Variants in LRRC4C observed in about 807,000 individuals in gnomAD.
LRRC4C encodes the protein leucine rich repeat containing 4C.
LRRC4C carries 5 observed loss-of-function variants against 33.6 expected under a neutral mutation model. The observed-to-expected ratio is 0.15, with a 90% CI of 0.08 to 0.31. LRRC4C has a LOEUF of 0.31. LRRC4C is among the 10% of genes least tolerant of loss of function. The pLI is 1.00. For missense variants in LRRC4C, 560 were observed against 796.7 expected, an observed-to-expected ratio of 0.70 and a Z score of 3.58; for synonymous variants, 329 against 302.0, an observed-to-expected ratio of 1.09 and a Z score of -0.93.
At chr11:40,801,746 AC>A (rs998903800) in intron 2 of LRRC4C, among the ~76,000 whole-genome samples, 1 of 152,176 alleles carries the variant, frequency 6.6e-6, no homozygotes, top group Non-Finnish European at 1.5e-5. Context: ...ACAGTTGAGT[AC>A]CAGAAATTTT....
rs1938664029 is a variant in LRRC4C at position 41,071,328 on chromosome 11, G to C, written c.-495-137605C>G. 3.3e-5 allele frequency among the ~76,000 whole-genome samples: 5 copies of C among 152,166 alleles called. No homozygotes were observed. In the South Asian group the frequency reaches 1.0e-3, roughly 32 times the overall value. On this transcript the variant is annotated intron_variant, in intron 1 of 6. Transcript: ENST00000528697. ...GAGCTTAAAATCTAGATGACAGGTT[G>C]ATAGGTGCAGCAAACCACCATGGCC...
At chr11:40,810,465 G>C (rs918981623) in intron 2 of LRRC4C, among the ~76,000 whole-genome samples, 4 of 152,136 alleles carry the variant, frequency 2.6e-5, no homozygotes, top group African/African-American at 9.7e-5. Context: ...AATAACATCT[G>C]TAAGCTAATA....
At chr11:40,541,401 C>A (rs2135387010) in intron 3 of LRRC4C, among the ~76,000 whole-genome samples, 1 of 152,246 alleles carries the variant, frequency 6.6e-6, no homozygotes, top group South Asian at 2.1e-4. Context: ...GCCACCACTC[C>A]TGGCTGTTTT....
chr11:41,313,003 G>C (rs1322602009), intron 1 of LRRC4C, among the ~76,000 whole-genome samples: 1 of 152,164 alleles, frequency 6.6e-6, no homozygotes, highest in African/African-American at 2.4e-5. Flanking sequence ...GGTAATAAAG[G>C]CAGTAATTAA....
chr11:40,915,816 C>T (rs1248824013), intron 2 of LRRC4C, among the ~76,000 whole-genome samples: 2 of 150,442 alleles, frequency 1.3e-5, no homozygotes, highest in Non-Finnish European at 3.0e-5. Context: ...GGGCTAATAT[C>T]CAGAATCTAC....
At chr11:41,395,228 A>G (rs939903994) in intron 1 of LRRC4C, among the ~76,000 whole-genome samples, 1 of 151,990 alleles carries the variant, frequency 6.6e-6, no homozygotes, top group Non-Finnish European at 1.5e-5. Flanking sequence ...AGCACATGTG[A>G]ACACCTCTTG....
In LRRC4C at chr11:40,561,408, C is replaced by CTTTTTTTTTTTTTTTTTTTTT. The variant is rs549919738; in HGVS notation, c.-270+86713_-270+86733dup. 4.0e-5 allele frequency among the ~76,000 whole-genome samples: 4 copies of CTTTTTTTTTTTTTTTTTTTTT among 100,936 alleles called. 1 individual carries two copies. The highest frequency in any genetic ancestry group is 8.0e-5 in the African/African-American group (2 of 25,078). The allele number at this position is 100,936 out of a possible 152,430, so 66.2% of individuals were successfully genotyped here. On this transcript the variant is annotated intron_variant, in intron 3 of 6. Transcript: ENST00000528697. ...TCTTTATTCTTTGTTCTGAGGATTC[C>CTTTTTTTTTTTTTTTTTTTTT]TTTTTTTTTTTTTTTTTTTTTTGAG...
intron 3 of LRRC4C, among the ~76,000 whole-genome samples, chr11:40,630,610 T>A (rs2136015045): frequency 6.6e-6 from 1 of 152,256 alleles, no homozygotes; most frequent in East Asian, 1.9e-4. Flanking sequence ...TTATCTGAGT[T>A]TATACAACTC....
chr11:40,311,984 T>C (rs1321554113), intron 4 of LRRC4C, among the ~76,000 whole-genome samples: 1 of 151,460 alleles, frequency 6.6e-6, no homozygotes, highest in Non-Finnish European at 1.5e-5. Context: ...CCCTTTCATG[T>C]ACATTACAGT....
intron 1 of LRRC4C, among the ~76,000 whole-genome samples, chr11:41,068,403 A>C (rs114911540): frequency 0.02 from 3,094 of 151,978 alleles, 108 homozygotes; most frequent in African/African-American, 0.071. Context: ...CCCCCCAACA[A>C]AAAAAAATAA....
At chr11:40,118,715 G>C (rs980307270) in intron 6 of LRRC4C, among the ~76,000 whole-genome samples, 3 of 152,100 alleles carry the variant, frequency 2.0e-5, no homozygotes, top group South Asian at 2.1e-4. Context: ...AGAATGGAAG[G>C]CCTGAGGACG....
chr11:40,144,506 CT>C (rs1323347647), intron 5 of LRRC4C, among the ~76,000 whole-genome samples: 2 of 152,112 alleles, frequency 1.3e-5, no homozygotes, highest in Non-Finnish European at 2.9e-5. Flanking sequence ...CCTCCTTGAT[CT>C]TTTACATAGC....
At chr11:41,164,485 T>G (rs771910532) in intron 1 of LRRC4C, among the ~76,000 whole-genome samples, 5 of 152,224 alleles carry the variant, frequency 3.3e-5, no homozygotes, top group African/African-American at 4.8e-5. Flanking sequence ...AATAGAATAG[T>G]AAACATATAA....
At chr11:40,824,197 T>A (rs1296486087) in intron 2 of LRRC4C, among the ~76,000 whole-genome samples, 1 of 151,876 alleles carries the variant, frequency 6.6e-6, no homozygotes, top group Non-Finnish European at 1.5e-5. Flanking sequence ...GATTGAAATA[T>A]CTTAAAACCA....
At chr11:40,417,592 T>C (rs939847824) in intron 3 of LRRC4C, among the ~76,000 whole-genome samples, 30 of 152,040 alleles carry the variant, frequency 2.0e-4, no homozygotes, top group African/African-American at 7.2e-4. Flanking sequence ...CTTCAAGTGA[T>C]CTACCTACCT....
At chr11:40,628,205 C>T (rs188310825) in intron 3 of LRRC4C, among the ~76,000 whole-genome samples, 3 of 152,166 alleles carry the variant, frequency 2.0e-5, no homozygotes, top group Non-Finnish European at 2.9e-5. Context: ...CGGCCGGGCG[C>T]GGTGGCTCAA....
At chr11:40,525,576 C>T (rs980089042) in intron 3 of LRRC4C, among the ~76,000 whole-genome samples, 10 of 152,122 alleles carry the variant, frequency 6.6e-5, no homozygotes, top group African/African-American at 2.4e-4. Context: ...AATCTCTATT[C>T]TCCAAACTGA....
At chr11:40,970,414 C>T (rs1021285938) in intron 1 of LRRC4C, among the ~76,000 whole-genome samples, 3 of 152,136 alleles carry the variant, frequency 2.0e-5, no homozygotes, top group African/African-American at 7.2e-5. Flanking sequence ...TCACCTTTCA[C>T]CATGATTGTA....
chr11:41,039,697 C>T (rs1437417663), intron 1 of LRRC4C, among the ~76,000 whole-genome samples: 1 of 152,118 alleles, frequency 6.6e-6, no homozygotes, highest in Non-Finnish European at 1.5e-5. Context: ...GACTGACTTT[C>T]CTACCTGCCA....
Sources: gnomAD v4.1 joint callset for allele counts (sites outside exome capture counted in the v4.1 genomes callset) on GRCh38, gnomAD v4.1.1 for gene constraint, MANE v1.5 for transcripts, NCBI Gene and HGNC (gene_info 2026-07-23, HGNC 2026-07-21) for gene names.